Variants in NPC1 observed in about 807,000 individuals in gnomAD.
NPC1 encodes the protein Niemann-Pick C1 protein.
A neutral mutation model predicts 140.4 loss-of-function variants in NPC1; 85 were observed. The observed-to-expected ratio is 0.61, with a 90% CI of 0.51 to 0.72. The LOEUF is 0.72. Ranked by LOEUF, NPC1 falls within the 30% of genes least tolerant of loss-of-function variation. NPC1 has a pLI of 0.00. For synonymous variants in NPC1, 656 were observed against 624.8 expected (o/e 1.05, Z -0.74); for missense variants, 1,504 against 1,623.8 (o/e 0.93, Z 1.27).
chr18:23,507,497 C>A (rs2057745659), intron 3 of NPC1, among the ~76,000 whole-genome samples: 1 of 152,156 alleles, frequency 6.6e-6, no homozygotes, highest in South Asian at 2.1e-4. Flanking sequence ...CTTTTCATCT[C>A]TCATTTCTGA....
downstream of NPC1, among the ~76,000 whole-genome samples, chr18:23,520,733 AC>A (rs1424235285): frequency 6.6e-6 from 1 of 152,072 alleles, no homozygotes; most frequent in Non-Finnish European, 1.5e-5. Flanking sequence ...CCTGTCTGTC[AC>A]AAGGTTCAAG....
chr18:23,517,001 C>T (rs571824463), intron 3 of NPC1, among the ~76,000 whole-genome samples: 23 of 152,188 alleles, frequency 1.5e-4, no homozygotes, highest in African/African-American at 5.1e-4. Flanking sequence ...GCTGGGATTA[C>T]AGGCATGAGC....
chr18:23,575,321 T>C (rs2059259169), intron 1 of NPC1, among the ~76,000 whole-genome samples: 2 of 152,218 alleles, frequency 1.3e-5, no homozygotes, highest in South Asian at 4.1e-4. Context: ...GCAAGTGCTA[T>C]TTCCACCCAC....
rs786200877 is a variant in NPC1 at position 23,534,445 on chromosome 18, C to T, written c.3591+1G>A. On this transcript the variant is annotated splice_donor_variant, in intron 23 of 24. Coordinates refer to ENST00000269228, the MANE Select transcript of NPC1 (RefSeq NM_000271.5). LOFTEE classifies it high-confidence loss of function. Reference sequence around the variant, plus strand: ...GGCGTGGCCCTGCTCAGGGTACTCACGGAGCTGCCCATGTGGGCAAGTGCC... The same window carrying T: ...GGCGTGGCCCTGCTCAGGGTACTCATGGAGCTGCCCATGTGGGCAAGTGCC... 8.1e-6 allele frequency: 13 copies of T among 1,608,802 alleles called. No individual in the cohort carries two copies. The highest frequency in any genetic ancestry group is 1.3e-5 in the African/African-American group (1 of 74,882).
At chr18:23,543,957 C>A (rs1239515891) in intron 13 of NPC1, among the ~76,000 whole-genome samples, 1 of 152,142 alleles carries the variant, frequency 6.6e-6, no homozygotes, top group Non-Finnish European at 1.5e-5. Context: ...TTTAGTGGCA[C>A]CTTTGGGCAA....
At position 23,556,601 on chromosome 18, in the gene NPC1, C is replaced by T. The variant is rs758191088; in HGVS notation, c.968G>A (p.Cys323Tyr). Residue 323 changes from cysteine to tyrosine, a missense_variant, in exon 8 of 25, where the codon TGC (cysteine) becomes TAC (tyrosine). Physicochemically the swap from Cys to Tyr is radical, Grantham distance 194. Coordinates refer to ENST00000269228, the MANE Select transcript of NPC1 (RefSeq NM_000271.5). Reference protein sequence around the residue: ...VNASDKGEASCCDPVSAAFEG... With the variant: ...VNASDKGEASYCDPVSAAFEG... ...AAATGCTGCGCTGACAGGGTCACAG[C>T]AGGACGCCTCTCCTGGAAGAACGGG... 6.2e-7 allele frequency: 1 copy of T among 1,614,022 alleles called. No individual in the cohort carries two copies. Among genetic ancestry groups the T allele is most frequent in the Non-Finnish European group, 8.5e-7 (1 of 1,179,988 alleles).
At chr18:23,523,601 T>TAGTCCTAGC (rs2058208219) in intron 1 of NPC1, among the ~76,000 whole-genome samples, 1 of 149,066 alleles carries the variant, frequency 6.7e-6, no homozygotes, top group Non-Finnish European at 1.5e-5. Context: ...CACATGCCTG[T>TAGTCCTAGC]AGTCCTAGCT....
intron 14 of NPC1, 105 bp downstream of exon 14, chr18:23,543,347 GAAA>G (rs888343174): frequency 7.4e-6 from 3 of 404,222 alleles, no homozygotes; most frequent in East Asian, 4.6e-5. Flanking sequence ...AAAAAAAAAA[GAAA>G]AAAAAAAAAA....
Position 23,556,453 on chromosome 18 carries a change from C to G in NPC1, c.1116G>C (p.Arg372=), listed in dbSNP as rs947484362. The change falls in exon 8 of 25, where the codon CGG becomes CGC. Residue 372 remains arginine, a synonymous_variant. Transcript: ENST00000269228. ...AGAGGTCAACTGGATTGGTTGTGAC[C>G]CGGACAAACACCAGGCCTGACGAAC... is the stretch of plus-strand genomic sequence containing the variant. ...TACSSGLVFV[R]VTTNPVDLWS... The G allele has an allele frequency of 3.1e-6, 5 of 1,614,110 alleles. No individual in the cohort carries two copies. Among genetic ancestry groups the G allele is most frequent in the Non-Finnish European group, 4.2e-6 (5 of 1,180,020 alleles).
In NPC1 at chr18:23,534,489, C is replaced by T. The variant is rs148035987; in HGVS notation, c.3548G>A (p.Arg1183His). Residue 1183 changes from arginine (R) to histidine (H), a missense_variant, in exon 23 of 25, where the codon CGC becomes CAC. Coordinates refer to ENST00000269228, the MANE Select transcript of NPC1 (RefSeq NM_000271.5). ...AAGTGCCTCTTCCGCGCGCTCCACG[C>T]GGCTGCCTTTCATGCTCACCGTGAA... Reference protein sequence around the residue: ...RAFTVSMKGSRVERAEEALAH... With the variant: ...RAFTVSMKGSHVERAEEALAH... 134 of 1,614,048 alleles carry T rather than the reference C, an allele frequency of 8.3e-5. No individual in the cohort carries two copies. In the African/African-American group the frequency reaches 1.4e-3, roughly 17 times the overall value.
intron 1 of NPC1, among the ~76,000 whole-genome samples, chr18:23,577,147 A>T (rs2059295122): frequency 6.6e-6 from 1 of 151,368 alleles, no homozygotes; most frequent in Non-Finnish European, 1.5e-5. Flanking sequence ...CCAAGGCCCC[A>T]CCAGAGCAGC....
At chr18:23,577,690 G>A (rs1190457252) in intron 1 of NPC1, among the ~76,000 whole-genome samples, 2 of 152,154 alleles carry the variant, frequency 1.3e-5, no homozygotes, top group Non-Finnish European at 2.9e-5. Context: ...GGTGGCGCTC[G>A]TCGGGGAGGC....
downstream of NPC1, chr18:23,529,129 C>G (rs746061366): frequency 6.3e-7 from 1 of 1,589,626 alleles, no homozygotes; most frequent in South Asian, 1.1e-5. Context: ...GTAAACAGCA[C>G]CCTTCCTCTA....
Position 23,531,585 on chromosome 18 carries a change from A to T in NPC1, c.*617T>A. 1 of 1,600,070 alleles carries T rather than the reference A, an allele frequency of 6.2e-7. No individual in the cohort carries two copies. Among genetic ancestry groups the T allele is most frequent in the Non-Finnish European group, 8.5e-7 (1 of 1,175,084 alleles). ...AGATGCTTTCTTTGTCCCTCATTTC[A>T]TGCCACATCTAACTGGCAATTAAAT... is the stretch of plus-strand genomic sequence containing the variant. On this transcript the variant is annotated 3_prime_UTR_variant, in exon 25 of 25. Coordinates refer to ENST00000269228, the MANE Select transcript of NPC1 (RefSeq NM_000271.5).
chr18:23,535,381 T>C, intron 22 of NPC1, 88 bp downstream of exon 22: 1 of 955,482 alleles, frequency 1.0e-6, no homozygotes, highest in Non-Finnish European at 1.6e-6. Context: ...TCTTACTCCA[T>C]CTTTAGGGTT....
chr18:23,567,034 A>G (rs918707314), intron 4 of NPC1, among the ~76,000 whole-genome samples: 13 of 152,176 alleles, frequency 8.5e-5, no homozygotes, highest in African/African-American at 2.7e-4. Flanking sequence ...TTTAGCACCA[A>G]ATAATATTCC....
intron 11 of NPC1, 41 bp from the exon 12 acceptor site, chr18:23,545,190 C>G (rs1272300622): frequency 7.0e-7 from 1 of 1,421,548 alleles, no homozygotes; most frequent in Non-Finnish European, 9.9e-7. Context: ...GTTAAACTAA[C>G]TGACAGCTAA....
chr18:23,582,415 C>T (rs1272804043), intron 1 of NPC1, among the ~76,000 whole-genome samples: 2 of 152,196 alleles, frequency 1.3e-5, no homozygotes, highest in Admixed American at 1.3e-4. Flanking sequence ...ACTGCCATCA[C>T]CTAGAAACCA....
intron 6 of NPC1, among the ~76,000 whole-genome samples, chr18:23,559,806 C>T (rs990795319): frequency 6.6e-6 from 1 of 152,044 alleles, no homozygotes; most frequent in Non-Finnish European, 1.5e-5. Flanking sequence ...AAAAATTAGT[C>T]AGGCATGCAG....
Sources: gnomAD v4.1 joint callset for allele counts (sites outside exome capture counted in the v4.1 genomes callset) on GRCh38, gnomAD v4.1.1 for gene constraint, MANE v1.5 for transcripts, NCBI Gene and HGNC (gene_info 2026-07-23, HGNC 2026-07-21) for gene names.